The following VTI1A variants were observed in gnomAD, a reference collection of about 807,000 sequenced individuals.
VTI1A encodes vesicle transport through interaction with t-SNAREs homolog 1A.
A neutral mutation model predicts 34.9 loss-of-function variants in VTI1A; 22 were observed. That is an observed-to-expected ratio of 0.63 (90% CI 0.45 to 0.90). The LOEUF (loss-of-function observed/expected upper bound fraction) is 0.90. Ranked by LOEUF, VTI1A falls within the 40% of genes least tolerant of loss-of-function variation. VTI1A has a pLI of 0.00. For synonymous variants in VTI1A, 87 were observed against 97.3 expected (o/e 0.89, Z 0.62); for missense variants, 268 against 275.6 (o/e 0.97, Z 0.20).
chr10:112,578,352 C>T (rs1202470637), intron 5 of VTI1A, among the ~76,000 whole-genome samples: 3 of 151,998 alleles, frequency 2.0e-5, no homozygotes, highest in Non-Finnish European at 4.4e-5. Flanking sequence ...TAGGAGAAAC[C>T]CTATCAGAAA....
intron 7 of VTI1A, among the ~76,000 whole-genome samples, chr10:112,806,451 A>G (rs1282495111): frequency 6.6e-6 from 1 of 151,732 alleles, no homozygotes; most frequent in Non-Finnish European, 1.5e-5. Context: ...ACACCCGGCT[A>G]ATTTTTGTAT....
intron 7 of VTI1A, among the ~76,000 whole-genome samples, chr10:112,781,568 C>CGG (rs1274895945): frequency 6.6e-6 from 1 of 151,960 alleles, no homozygotes. Context: ...TGGCCAGGAG[C>CGG]GGTGGCTCAC....
intron 7 of VTI1A, chr10:112,671,984 T>A (rs1314009729): frequency 6.6e-6 from 1 of 152,144 alleles, no homozygotes; most frequent in Non-Finnish European, 1.5e-5. Flanking sequence ...TCAGAGTACT[T>A]TAGTGTAGTA....
At chr10:112,461,910 T>A (rs1341133443) in intron 2 of VTI1A, among the ~76,000 whole-genome samples, 2 of 152,118 alleles carry the variant, frequency 1.3e-5, no homozygotes, top group African/African-American at 4.8e-5. Context: ...GAGAGGGGGT[T>A]TTGTCATGTT....
rs181742036 is a variant in VTI1A at position 112,499,715 on chromosome 10, A to G, written c.265-27372A>G. Among the ~76,000 whole-genome samples the G allele has an allele frequency of 1.9e-3, 287 of 152,258 alleles. 3 individuals carry two copies. Among genetic ancestry groups the G allele is most frequent in the Non-Finnish European group, 3.3e-3 (226 of 68,006 alleles). The stretch of plus-strand genomic sequence containing the variant: ...ATGCTGGTTAACGCATATGTTGGTT[A>G]TTCTAATTAATGTGCCATCTACACA... On this transcript the variant is annotated intron_variant, in intron 3 of 7. Transcript: ENST00000393077.
chr10:112,527,478 C>A, intron 4 of VTI1A: 1 of 190,788 alleles, frequency 5.2e-6, no homozygotes, highest in Non-Finnish European at 1.1e-5. Flanking sequence ...ACCTCAAACA[C>A]ATGTAAAAGG....
At position 112,668,299 on chromosome 10, in the gene VTI1A, T is replaced by C. The variant is rs746191025; in HGVS notation, c.498+11T>C. 2.4e-5 allele frequency: 39 copies of C among 1,610,624 alleles called. No individual in the cohort carries two copies. Among genetic ancestry groups the C allele is most frequent in the Admixed American group, 5.0e-5 (3 of 59,768 alleles). On this transcript the variant is annotated intron_variant, in intron 6 of 7. Coordinates refer to ENST00000393077, the MANE Select transcript of VTI1A (RefSeq NM_145206.4). ...CGAGCACGTGAAAGAGTAAGTACAA[T>C]TGATACAGTTTTTTCACATATTCAG... is the stretch of plus-strand genomic sequence containing the variant.
In VTI1A at chr10:112,585,700, C is replaced by T. The variant is rs142551148; in HGVS notation, c.427+47370C>T. ...TTTTTTTTTGGTTGTGTCACATACA[C>T]CCTCGCCGCCTCTTTGCACCATGTC... On this transcript the variant is annotated intron_variant, in intron 5 of 7. Transcript: ENST00000393077. Among the ~76,000 whole-genome samples, 355 of 146,276 alleles carry T rather than the reference C, an allele frequency of 2.4e-3. 1 individual carries two copies. Among genetic ancestry groups the T allele is most frequent in the African/African-American group, 8.7e-3 (347 of 39,806 alleles).
intron 5 of VTI1A, among the ~76,000 whole-genome samples, chr10:112,610,614 A>G (rs1167914439): frequency 1.3e-5 from 2 of 152,196 alleles, no homozygotes; most frequent in Non-Finnish European, 2.9e-5. Flanking sequence ...AGGACAAAAT[A>G]CCTATTTAAG....
intron 7 of VTI1A, among the ~76,000 whole-genome samples, chr10:112,807,106 C>T (rs1017548582): frequency 2.0e-5 from 3 of 152,162 alleles, no homozygotes; most frequent in Non-Finnish European, 2.9e-5. Context: ...CTGGGACTGA[C>T]CTGTCCTTTG....
chr10:112,832,012 A>G, the VTI1A span: 1 of 152,228 alleles, frequency 6.6e-6, no homozygotes, highest in Non-Finnish European at 1.5e-5. Flanking sequence ...GGAATCGAGA[A>G]TATCGGCTTC....
At chr10:112,469,575 A>G (rs1848010579) in intron 3 of VTI1A, among the ~76,000 whole-genome samples, 1 of 152,190 alleles carries the variant, frequency 6.6e-6, no homozygotes, top group African/African-American at 2.4e-5. Context: ...TAGACTTTTT[A>G]GAACACATTT....
At chr10:112,845,590 C>T in the VTI1A span, among the ~76,000 whole-genome samples, 1 of 152,200 alleles carries the variant, frequency 6.6e-6, no homozygotes, top group Admixed American at 6.5e-5. Flanking sequence ...CTCCTGAGAG[C>T]TCCTTGGAGA....
chr10:112,782,690 A>G (rs1017954884), intron 7 of VTI1A, among the ~76,000 whole-genome samples: 1 of 152,100 alleles, frequency 6.6e-6, no homozygotes, highest in African/African-American at 2.4e-5. Flanking sequence ...CGGACACAGC[A>G]TTCTTCATCT....
chr10:112,718,465 CACT>C (rs1849684592), intron 7 of VTI1A, among the ~76,000 whole-genome samples: 2 of 152,210 alleles, frequency 1.3e-5, no homozygotes, highest in African/African-American at 2.4e-5. Flanking sequence ...TTTTAGTAAG[CACT>C]ACTTCAAGTG....
intron 3 of VTI1A, among the ~76,000 whole-genome samples, chr10:112,516,100 A>AGAG (rs1269024132): frequency 6.6e-6 from 1 of 152,098 alleles, no homozygotes; most frequent in Non-Finnish European, 1.5e-5. Context: ...TTGGGGTCTC[A>AGAG]GAGATAAAAG....
intron 5 of VTI1A, among the ~76,000 whole-genome samples, chr10:112,667,356 A>G (rs564580344): frequency 6.6e-6 from 1 of 152,232 alleles, no homozygotes; most frequent in East Asian, 1.9e-4. Context: ...GTAATGGGGA[A>G]TGAGTCTGAA....
Position 112,464,592 on chromosome 10 carries a change from C to T in VTI1A, c.199C>T (p.Arg67Ter), listed in dbSNP as rs766425909. 6.2e-6 allele frequency: 10 copies of T among 1,612,910 alleles called. No individual in the cohort carries two copies. The highest frequency in any genetic ancestry group is 4.5e-5 in the East Asian group (2 of 44,778). The change falls in exon 3 of 8, where the codon CGA (arginine) becomes TGA (stop). Residue 67 changes from arginine (R) to a stop codon, truncating the protein, a stop_gained. Transcript: ENST00000393077. LOFTEE classifies it high-confidence loss of function. The part of the protein sequence containing the change: ...LEVREIPPQS[R>*]GMYSNRMRSY... Reference sequence around the variant, plus strand: ...AGTCCGAGAGATACCACCCCAAAGTCGAGGGATGTACAGCAACAGAATGAG... The same window carrying T: ...AGTCCGAGAGATACCACCCCAAAGTTGAGGGATGTACAGCAACAGAATGAG...
At chr10:112,489,777 G>T (rs1040933249) in intron 3 of VTI1A, among the ~76,000 whole-genome samples, 1 of 152,182 alleles carries the variant, frequency 6.6e-6, no homozygotes, top group Non-Finnish European at 1.5e-5. Flanking sequence ...TTGAAAGGGA[G>T]CAGCTGAAAT....
Sources: allele counts gnomAD v4.1 joint callset (sites outside exome capture counted in the v4.1 genomes callset), GRCh38; gene constraint gnomAD v4.1.1; transcripts MANE v1.5; gene names NCBI Gene and HGNC (gene_info 2026-07-23, HGNC 2026-07-21).